TNRC6B: variants seen among roughly 807,000 people sequenced by gnomAD.
TNRC6B encodes trinucleotide repeat-containing gene 6B protein.
TNRC6B carries 52 observed loss-of-function variants against 203.6 expected under a neutral mutation model. That is an observed-to-expected ratio of 0.26 (90% CI 0.20 to 0.32). TNRC6B has a LOEUF of 0.32. Among genes scored for constraint, TNRC6B ranks in the 10% least tolerant of loss-of-function variants. The pLI is 1.00. For synonymous variants in TNRC6B, 838 were observed against 845.7 expected (o/e 0.99, Z 0.16); for missense variants, 1,923 against 2,286.2 (o/e 0.84, Z 3.24).
chr22:40,046,904 C>G (rs2067693468), intron 1 of TNRC6B, among the ~76,000 whole-genome samples: 1 of 152,128 alleles, frequency 6.6e-6, no homozygotes, highest in Non-Finnish European at 1.5e-5. Flanking sequence ...CTCGGCCTCC[C>G]AAAGTGCTGG....
intron 4 of TNRC6B, among the ~76,000 whole-genome samples, chr22:40,170,333 A>ATG (rs1296707551): frequency 3.5e-4 from 28 of 79,398 alleles, no homozygotes; most frequent in Non-Finnish European, 5.8e-4. Context: ...TATATATATT[A>ATG]TATATAGTTT....
intron 1 of TNRC6B, among the ~76,000 whole-genome samples, chr22:40,210,108 C>A (rs2069541000): frequency 6.6e-6 from 1 of 152,110 alleles, no homozygotes; most frequent in South Asian, 2.1e-4. Context: ...TGTTGGAGAC[C>A]TTGTACCCTT....
In TNRC6B at chr22:40,265,048, C is replaced by G. The variant is rs2070453728; in HGVS notation, c.818C>G (p.Ser273Cys). 6.2e-7 allele frequency: 1 copy of G among 1,613,848 alleles called. No homozygotes were observed. The highest frequency in any genetic ancestry group is 8.5e-7 in the Non-Finnish European group (1 of 1,179,900). ...PKAKSVQSSN[S>C]TTENNNGLGN... ...GCTAAATCTGTTCAATCTTCCAACT[C>G]TACTACAGAGAACAACAATGGACTA... The change falls in exon 5 of 23, where the codon TCT becomes TGT. Residue 273 changes from serine to cysteine, a missense_variant. Around this residue, in one of 8 missense-constraint regions of TNRC6B, gnomAD observed 614 missense variants for 587.7 expected, o/e 1.04. Coordinates refer to ENST00000454349, the MANE Select transcript of TNRC6B (RefSeq NM_001162501.2).
At chr22:40,283,610 C>T (rs1349318392) in intron 11 of TNRC6B, among the ~76,000 whole-genome samples, 2 of 152,168 alleles carry the variant, frequency 1.3e-5, no homozygotes, top group East Asian at 1.9e-4. Flanking sequence ...TATTAAGTTA[C>T]AGACGAGGCA....
chr22:40,295,654 A>G (rs550411698), intron 12 of TNRC6B, among the ~76,000 whole-genome samples: 6 of 152,164 alleles, frequency 3.9e-5, no homozygotes, highest in Non-Finnish European at 7.4e-5. Flanking sequence ...CTTAGTTTAT[A>G]ATGGGACATT....
chr22:40,078,671 CAA>C, intron 1 of TNRC6B, among the ~76,000 whole-genome samples: 2 of 152,036 alleles, frequency 1.3e-5, no homozygotes, highest in Non-Finnish European at 2.9e-5. Context: ...CAGCTCACTG[CAA>C]CCTCCACCTC....
chr22:40,186,915 A>G (rs1229039725), intron 1 of TNRC6B, among the ~76,000 whole-genome samples: 1 of 152,118 alleles, frequency 6.6e-6, no homozygotes, highest in Non-Finnish European at 1.5e-5. Flanking sequence ...TTAGGCTTAC[A>G]ACACATTTCA....
intron 1 of TNRC6B, among the ~76,000 whole-genome samples, chr22:40,114,582 C>T (rs1427054798): frequency 6.6e-6 from 1 of 152,176 alleles, no homozygotes; most frequent in Non-Finnish European, 1.5e-5. Context: ...CTCGGCCTCT[C>T]AAAGTGAAGT....
At chr22:40,089,029 G>A (rs2068125446) in intron 1 of TNRC6B, among the ~76,000 whole-genome samples, 1 of 152,100 alleles carries the variant, frequency 6.6e-6, no homozygotes, top group Admixed American at 6.5e-5. Flanking sequence ...CTGTACTCAT[G>A]TGGAACATAC....
At chr22:40,261,091 G>GTAGGCAACATGGCAAAACCC (rs1487196803) in intron 3 of TNRC6B, among the ~76,000 whole-genome samples, 2 of 151,964 alleles carry the variant, frequency 1.3e-5, no homozygotes, top group South Asian at 4.2e-4. Flanking sequence ...ACCAGTCTAG[G>GTAGGCAACATGGCAAAACCC]TAGGCAACAT....
At chr22:40,156,353 T>A (rs2068818762) in intron 4 of TNRC6B, among the ~76,000 whole-genome samples, 1 of 152,214 alleles carries the variant, frequency 6.6e-6, no homozygotes, top group South Asian at 2.1e-4. Flanking sequence ...ACCAACTAAC[T>A]AGAAGGACAA....
At chr22:40,110,308 A>C (rs1206174954) in intron 1 of TNRC6B, among the ~76,000 whole-genome samples, 1 of 152,240 alleles carries the variant, frequency 6.6e-6, no homozygotes, top group Non-Finnish European at 1.5e-5. Flanking sequence ...TATGTGACCA[A>C]CAATTGCAAT....
At chr22:40,190,857 C>G (rs1053269697) in intron 1 of TNRC6B, among the ~76,000 whole-genome samples, 2 of 152,216 alleles carry the variant, frequency 1.3e-5, no homozygotes, top group Non-Finnish European at 2.9e-5. Context: ...TTGGTATAAT[C>G]TAGGTCCTGT....
At chr22:40,239,164 C>T (rs1020509427) in intron 1 of TNRC6B, among the ~76,000 whole-genome samples, 3 of 152,050 alleles carry the variant, frequency 2.0e-5, no homozygotes, top group Admixed American at 6.6e-5. Context: ...GATTGCGCCA[C>T]GGCACTGCAG....
intron 21 of TNRC6B, among the ~76,000 whole-genome samples, chr22:40,316,887 TG>T (rs1203654940): frequency 6.6e-6 from 1 of 151,906 alleles, no homozygotes; most frequent in African/African-American, 2.4e-5. Flanking sequence ...CACTAGAGAG[TG>T]GGTTTCTGCA....
At chr22:40,188,769 T>C (rs1006469248) in intron 1 of TNRC6B, among the ~76,000 whole-genome samples, 1 of 152,232 alleles carries the variant, frequency 6.6e-6, no homozygotes. Flanking sequence ...TATAAAAAAT[T>C]CAATTTGTAT....
chr22:40,046,233 CTT>C (rs2067686262), intron 1 of TNRC6B, among the ~76,000 whole-genome samples: 1 of 152,212 alleles, frequency 6.6e-6, no homozygotes, highest in Non-Finnish European at 1.5e-5. Flanking sequence ...GTGATCTTGG[CTT>C]CGAAAGTACA....
rs1363269801 is a variant in TNRC6B at position 40,264,762 on chromosome 22, G to A, written c.532G>A (p.Gly178Ser). The A allele has an allele frequency of 1.5e-5, 24 of 1,611,702 alleles. No individual in the cohort carries two copies. Among genetic ancestry groups the A allele is most frequent in the Middle Eastern group, 1.6e-4 (1 of 6,072 alleles). ...TWGSGASSNNGTSPNPIHIWD... is the reference protein window; with the variant it reads ...TWGSGASSNNSTSPNPIHIWD... ...GGGCTCGGGAGCCTCCTCCAACAAC[G>A]GCACCTCCCCCAACCCAATTCACAT... The change falls in exon 5 of 23, where the codon GGC becomes AGC. Residue 178 changes from glycine (G) to serine (S), a missense_variant. By Grantham distance (56) the Gly-to-Ser change is moderately conservative. Coordinates refer to ENST00000454349, the MANE Select transcript of TNRC6B (RefSeq NM_001162501.2).
chr22:40,126,069 G>A (rs2068490662), intron 3 of TNRC6B, among the ~76,000 whole-genome samples: 1 of 152,024 alleles, frequency 6.6e-6, no homozygotes, highest in Admixed American at 6.6e-5. Flanking sequence ...GAACTACAGA[G>A]AACTTTATAA....
Sources: allele counts gnomAD v4.1 joint callset (sites outside exome capture counted in the v4.1 genomes callset), GRCh38; gene constraint gnomAD v4.1.1; regional missense constraint gnomAD v4.1.1; transcripts MANE v1.5; gene names NCBI Gene and HGNC (gene_info 2026-07-23, HGNC 2026-07-21).